Variants in GSTCD observed in about 807,000 individuals in gnomAD.
GSTCD encodes glutathione S-transferase C-terminal domain-containing protein.
Under a neutral mutation model 68.3 loss-of-function variants are expected in GSTCD, and 44 were observed. The observed-to-expected ratio is 0.64, with a 90% confidence interval of 0.51 to 0.83. GSTCD has a LOEUF of 0.83. Among genes scored for constraint, GSTCD ranks in the 40% least tolerant of loss-of-function variants. The pLI is 0.00. For missense variants in GSTCD, 739 were observed against 735.9 expected, an observed-to-expected ratio of 1.00 and a Z score of -0.05; for synonymous variants, 273 against 255.2, an observed-to-expected ratio of 1.07 and a Z score of -0.67.
intron 5 of GSTCD, among the ~76,000 whole-genome samples, chr4:105,751,940 C>G (rs1734023397): frequency 1.3e-5 from 2 of 152,256 alleles, no homozygotes; most frequent in South Asian, 4.1e-4. Flanking sequence ...TTACCTAAAT[C>G]CCGTGGGACT....
At chr4:105,766,191 A>G (rs1170624398) in intron 5 of GSTCD, among the ~76,000 whole-genome samples, 1 of 152,212 alleles carries the variant, frequency 6.6e-6, no homozygotes, top group Non-Finnish European at 1.5e-5. Context: ...AACAGCAGGA[A>G]GCTGCTGGCT....
At chr4:105,784,444 ATGAGGGCAGAGCCCTCACAACC>A (rs1446025757) in intron 5 of GSTCD, among the ~76,000 whole-genome samples, 1 of 152,190 alleles carries the variant, frequency 6.6e-6, no homozygotes, top group Non-Finnish European at 1.5e-5. Context: ...TAACCCATTC[ATGAGGGCAGAGCCCTCACAACC>A]TGATCACCTG....
At chr4:105,727,493 C>A (rs1733081029) in intron 4 of GSTCD, among the ~76,000 whole-genome samples, 1 of 150,260 alleles carries the variant, frequency 6.7e-6, no homozygotes, top group Non-Finnish European at 1.5e-5. Context: ...CCGCTGTACT[C>A]CAGCTTGGGC....
At chr4:105,782,661 C>G (rs1183640555) in intron 5 of GSTCD, among the ~76,000 whole-genome samples, 1 of 152,124 alleles carries the variant, frequency 6.6e-6, no homozygotes, top group Non-Finnish European at 1.5e-5. Flanking sequence ...TCTTGGCTCA[C>G]TGCTACCTCC....
At chr4:105,822,518 G>A (rs1723353644) in intron 5 of GSTCD, among the ~76,000 whole-genome samples, 1 of 152,078 alleles carries the variant, frequency 6.6e-6, no homozygotes, top group Admixed American at 6.6e-5. Flanking sequence ...TAAGCAATGT[G>A]TTGAAATTAG....
chr4:105,783,095 C>T (rs1735341987), intron 5 of GSTCD, among the ~76,000 whole-genome samples: 1 of 152,142 alleles, frequency 6.6e-6, no homozygotes, highest in Non-Finnish European at 1.5e-5. Flanking sequence ...TTTGACCTTT[C>T]TTCCTCCTAG....
chr4:105,805,824 TC>T (rs1722464956), intron 5 of GSTCD, among the ~76,000 whole-genome samples: 1 of 152,104 alleles, frequency 6.6e-6, no homozygotes, highest in South Asian at 2.1e-4. Context: ...TGCCTCTTCT[TC>T]TTTCCCTCCC....
chr4:105,737,419 T>A (rs1287999191), intron 5 of GSTCD, among the ~76,000 whole-genome samples: 3 of 152,222 alleles, frequency 2.0e-5, no homozygotes. Flanking sequence ...ATATTTTTTC[T>A]CTTTCTGCTG....
chr4:105,713,490 T>A (rs2149202029), intron 1 of GSTCD, among the ~76,000 whole-genome samples: 1 of 152,354 alleles, frequency 6.6e-6, no homozygotes, highest in South Asian at 2.1e-4. Flanking sequence ...TTATAAATAG[T>A]ACTGTTATAT....
chr4:105,711,601 T>C (rs1165172392), intron 1 of GSTCD, among the ~76,000 whole-genome samples: 1 of 152,244 alleles, frequency 6.6e-6, no homozygotes, highest in Non-Finnish European at 1.5e-5. Context: ...ATTTAAGGAC[T>C]TAATATGTGA....
At chr4:105,821,106 A>G (rs2256746) in intron 5 of GSTCD, 131,335 of 151,702 alleles carry the variant, frequency 0.87, 57,293 homozygotes, top group East Asian at 0.96. Context: ...CTAGGTCTCC[A>G]AAGAGCCTCA....
intron 5 of GSTCD, among the ~76,000 whole-genome samples, chr4:105,755,802 A>G (rs1264745954): frequency 6.6e-6 from 1 of 152,224 alleles, no homozygotes; most frequent in African/African-American, 2.4e-5. Context: ...GCCTTTTTGC[A>G]GATGTACAAA....
Position 105,819,371 on chromosome 4 carries a change from T to G in GSTCD, c.1241-3583T>G, listed in dbSNP as rs565210350. On this transcript the variant is annotated intron_variant, in intron 5 of 11. Coordinates refer to ENST00000515279, the MANE Select transcript of GSTCD (RefSeq NM_001370181.1). ...TCTAATGTCTCAAGACATTTCTATTTTATCTTCAATGCACATACTTTTGCA... is the reference window on the plus strand; with the variant it reads ...TCTAATGTCTCAAGACATTTCTATTGTATCTTCAATGCACATACTTTTGCA... 5.3e-5 allele frequency among the ~76,000 whole-genome samples: 8 copies of G among 151,970 alleles called. No individual in the cohort carries two copies. The East Asian group carries it at 1.5e-3, about 29-fold the overall frequency.
In GSTCD at chr4:105,819,359, G is replaced by C. The variant is rs145083211; in HGVS notation, c.1241-3595G>C. 4.0e-5 allele frequency among the ~76,000 whole-genome samples: 6 copies of C among 151,860 alleles called. No individual in the cohort carries two copies. The East Asian group carries it at 1.2e-3, about 29-fold the overall frequency. On this transcript the variant is annotated intron_variant, in intron 5 of 11. Transcript: ENST00000515279. ...TCTAAAGGCCATTCTAATGTCTCAA[G>C]ACATTTCTATTTTATCTTCAATGCA...
In GSTCD at chr4:105,787,569, T is replaced by C. The variant is rs548134202; in HGVS notation, c.1241-35385T>C. 2.0e-5 allele frequency among the ~76,000 whole-genome samples: 3 copies of C among 152,134 alleles called. No individual in the cohort carries two copies. The South Asian group carries it at 6.2e-4, about 32-fold the overall frequency. ...CTTAGGAGCTTAGAGAGTGGAGTTA[T>C]GAAATGGTGGGTGTCAGTCAGGGAG... is the stretch of plus-strand genomic sequence containing the variant. On this transcript the variant is annotated intron_variant, in intron 5 of 11. Coordinates refer to ENST00000515279, the MANE Select transcript of GSTCD (RefSeq NM_001370181.1).
At chr4:105,796,237 G>A (rs1335074065) in intron 5 of GSTCD, among the ~76,000 whole-genome samples, 1 of 152,176 alleles carries the variant, frequency 6.6e-6, no homozygotes, top group African/African-American at 2.4e-5. Flanking sequence ...GGAAACTCCT[G>A]TTTTTAAAAC....
chr4:105,759,851 A>G (rs1734334748), intron 5 of GSTCD, among the ~76,000 whole-genome samples: 2 of 152,218 alleles, frequency 1.3e-5, no homozygotes, highest in Non-Finnish European at 2.9e-5. Context: ...ATATAATACA[A>G]TGATACTCAT....
intron 4 of GSTCD, among the ~76,000 whole-genome samples, chr4:105,728,914 G>A (rs1391358087): frequency 2.0e-5 from 3 of 152,140 alleles, no homozygotes; most frequent in African/African-American, 7.2e-5. Flanking sequence ...TTTTTCTCTA[G>A]TGACATTAAA....
At chr4:105,773,344 A>G (rs1465552017) in intron 5 of GSTCD, among the ~76,000 whole-genome samples, 5 of 151,608 alleles carry the variant, frequency 3.3e-5, no homozygotes, top group African/African-American at 1.2e-4. Context: ...AGGGTTTTTC[A>G]TGTCTCTGTC....
Sources: allele counts gnomAD v4.1 joint callset (sites outside exome capture counted in the v4.1 genomes callset), GRCh38; gene constraint gnomAD v4.1.1; transcripts MANE v1.5; gene names NCBI Gene and HGNC (gene_info 2026-07-23, HGNC 2026-07-21).